Variants in MACROD2 observed in about 807,000 individuals in gnomAD.
MACROD2 encodes mono-ADP ribosylhydrolase 2, also known as ADP-ribose glycohydrolase MACROD2.
MACROD2 carries 36 observed loss-of-function variants against 70.4 expected under a neutral mutation model. That is an observed-to-expected ratio of 0.51 (90% CI 0.39 to 0.68). MACROD2 has a LOEUF of 0.68. MACROD2 is among the 30% of genes least tolerant of loss of function. The pLI is 0.00. For missense variants in MACROD2, 496 were observed against 538.4 expected, an observed-to-expected ratio of 0.92 and a Z score of 0.78; for synonymous variants, 172 against 178.8, an observed-to-expected ratio of 0.96 and a Z score of 0.30.
chr20:15,178,355 T>G (rs946271815), intron 5 of MACROD2, among the ~76,000 whole-genome samples: 1 of 152,264 alleles, frequency 6.6e-6, no homozygotes, highest in East Asian at 1.9e-4. Context: ...GTGCATCTTA[T>G]GGGCATCCTT....
intron 6 of MACROD2, among the ~76,000 whole-genome samples, chr20:15,308,464 G>C (rs2077719166): frequency 6.6e-6 from 1 of 152,084 alleles, no homozygotes; most frequent in African/African-American, 2.4e-5. Flanking sequence ...CCGAGATTAA[G>C]AGTAAATATA....
At chr20:15,323,584 C>G (rs1227288905) in intron 6 of MACROD2, among the ~76,000 whole-genome samples, 1 of 152,162 alleles carries the variant, frequency 6.6e-6, no homozygotes, top group Non-Finnish European at 1.5e-5. Flanking sequence ...AATGATGAAC[C>G]ATTTAGCCTC....
intron 8 of MACROD2, among the ~76,000 whole-genome samples, chr20:15,592,858 G>T (rs1392645856): frequency 2.6e-5 from 4 of 152,146 alleles, no homozygotes; most frequent in Non-Finnish European, 4.4e-5. Context: ...ATTTTTCAAA[G>T]CTTTCTCTTC....
At chr20:15,579,973 C>A (rs199843265) in intron 8 of MACROD2, among the ~76,000 whole-genome samples, 1 of 152,090 alleles carries the variant, frequency 6.6e-6, no homozygotes, top group Admixed American at 6.6e-5. Flanking sequence ...GCATCACTTC[C>A]GGAATGCAAG....
chr20:15,342,950 T>C (rs188579522), intron 6 of MACROD2, among the ~76,000 whole-genome samples: 34 of 152,354 alleles, frequency 2.2e-4, no homozygotes, highest in African/African-American at 8.2e-4. Context: ...TGTTTCTTCA[T>C]TTGTGTTCCT....
At chr20:14,440,657 C>T (rs908203399) in intron 3 of MACROD2, among the ~76,000 whole-genome samples, 1 of 152,124 alleles carries the variant, frequency 6.6e-6, no homozygotes, top group Non-Finnish European at 1.5e-5. Flanking sequence ...GAGTATTTCA[C>T]GCTTGTGCTA....
chr20:14,290,898 A>C (rs1230727924), intron 3 of MACROD2, among the ~76,000 whole-genome samples: 1 of 152,254 alleles, frequency 6.6e-6, no homozygotes, highest in Non-Finnish European at 1.5e-5. Context: ...TTGTTATTAA[A>C]TAAGCACAGC....
At chr20:15,396,551 T>C (rs1224939803) in intron 6 of MACROD2, among the ~76,000 whole-genome samples, 2 of 152,224 alleles carry the variant, frequency 1.3e-5, no homozygotes, top group Non-Finnish European at 2.9e-5. Context: ...TATAATCTTA[T>C]TTTAAGAACA....
At chr20:14,167,406 G>A (rs186975675) in intron 3 of MACROD2, among the ~76,000 whole-genome samples, 102 of 151,384 alleles carry the variant, frequency 6.7e-4, no homozygotes, top group Non-Finnish European at 1.3e-3. Context: ...TTTTTGAGAC[G>A]GAGTTTTGCT....
chr20:15,134,646 C>T (rs1362874385), intron 5 of MACROD2, among the ~76,000 whole-genome samples: 6 of 151,754 alleles, frequency 4.0e-5, no homozygotes, highest in Non-Finnish European at 8.8e-5. Context: ...CCTAACATCA[C>T]AATTAAAAGA....
At chr20:15,343,584 T>C (rs1303415352) in intron 6 of MACROD2, among the ~76,000 whole-genome samples, 1 of 152,160 alleles carries the variant, frequency 6.6e-6, no homozygotes, top group East Asian at 1.9e-4. Flanking sequence ...CAGAGACCAA[T>C]GGAAGTAAAT....
intron 3 of MACROD2, among the ~76,000 whole-genome samples, chr20:14,345,546 G>A (rs1434344068): frequency 1.3e-5 from 2 of 150,466 alleles, no homozygotes; most frequent in Non-Finnish European, 3.0e-5. Flanking sequence ...TTACTCTATC[G>A]CCTAGGCTGG....
chr20:15,908,185 A>G (rs1225872541), intron 10 of MACROD2, among the ~76,000 whole-genome samples: 1 of 152,170 alleles, frequency 6.6e-6, no homozygotes, highest in African/African-American at 2.4e-5. Flanking sequence ...TTGAGAAGGC[A>G]TGCGCTAGAC....
At chr20:15,285,471 C>T (rs2077482531) in intron 6 of MACROD2, among the ~76,000 whole-genome samples, 1 of 152,170 alleles carries the variant, frequency 6.6e-6, no homozygotes. Context: ...TTAAATCAAT[C>T]TTGGACACAT....
chr20:14,527,019 GA>G (rs1397086005), intron 4 of MACROD2, among the ~76,000 whole-genome samples: 1 of 152,220 alleles, frequency 6.6e-6, no homozygotes, highest in African/African-American at 2.4e-5. Flanking sequence ...TTATTGAGTG[GA>G]AGTAGCTTTC....
At chr20:15,996,092 T>A (rs527547869) in intron 15 of MACROD2, among the ~76,000 whole-genome samples, 25 of 152,200 alleles carry the variant, frequency 1.6e-4, no homozygotes, top group Non-Finnish European at 3.4e-4. Context: ...CTATTTTCCA[T>A]AATGCTGTAC....
intron 3 of MACROD2, among the ~76,000 whole-genome samples, chr20:14,483,996 T>C (rs914453879): frequency 2.0e-5 from 3 of 152,224 alleles, no homozygotes; most frequent in East Asian, 1.9e-4. Context: ...TATCTTTTCA[T>C]GTATAGGTGA....
chr20:15,539,904 C>T lies in MACROD2; in HGVS notation c.645+40057C>T, dbSNP rs559239965. 8.5e-5 allele frequency among the ~76,000 whole-genome samples: 13 copies of T among 152,286 alleles called. No individual in the cohort carries two copies. In the South Asian group the frequency reaches 2.5e-3, roughly 29 times the overall value. ...TTGGGAGACTGAGGCAGGAGAATGG[C>T]GTGAACCCGGGAGGCGGAGCTTGAA... On this transcript the variant is annotated intron_variant, in intron 8 of 17. Transcript: ENST00000684519.
At chr20:15,970,481 C>G (rs896366996) in intron 13 of MACROD2, among the ~76,000 whole-genome samples, 3 of 151,250 alleles carry the variant, frequency 2.0e-5, no homozygotes, top group Non-Finnish European at 4.4e-5. Flanking sequence ...AGTGTTGAAA[C>G]TTTGTAAGTC....
Sources: gnomAD v4.1 joint callset for allele counts (sites outside exome capture counted in the v4.1 genomes callset) on GRCh38, gnomAD v4.1.1 for gene constraint, MANE v1.5 for transcripts, NCBI Gene and HGNC (gene_info 2026-07-23, HGNC 2026-07-21) for gene names.